Variants in ATRX observed in about 807,000 individuals in gnomAD.
The protein encoded by ATRX is chromatin remodeler ATRX.
ATRX carries 12 observed loss-of-function variants against 172.6 expected under a neutral mutation model. The observed-to-expected ratio is 0.07, with a 90% confidence interval of 0.04 to 0.11. The LOEUF (loss-of-function observed/expected upper bound fraction) is 0.11, where lower values mean the gene tolerates loss of function less well. Ranked by LOEUF, ATRX falls within the 10% of genes least tolerant of loss-of-function variation. The pLI is 1.00. For synonymous variants in ATRX, 674 were observed against 594.7 expected, an observed-to-expected ratio of 1.13 and a Z score of -1.94; for missense variants, 1,368 against 1,767.4, an observed-to-expected ratio of 0.77 and a Z score of 4.05.
At chrX:77,611,826 C>G (rs185094445) in intron 22 of ATRX, among the ~76,000 whole-genome samples, 2 of 110,882 alleles carry the variant, frequency 1.8e-5, no homozygotes, top group Non-Finnish European at 3.8e-5. Context: ...GCTAAATTAC[C>G]CTAATTTTAT....
intron 2 of ATRX, among the ~76,000 whole-genome samples, chrX:77,708,788 A>T (rs1194718123): frequency 8.9e-6 from 1 of 112,762 alleles, no homozygotes; most frequent in Non-Finnish European, 1.9e-5. Flanking sequence ...AAAATATTTT[A>T]AAATTGATGG....
intron 2 of ATRX, among the ~76,000 whole-genome samples, chrX:77,714,787 T>TA (rs1557163744): frequency 8.9e-6 from 1 of 112,102 alleles, no homozygotes; most frequent in African/African-American, 3.2e-5. Context: ...TTCAGATTTT[T>TA]AAAAAACCAA....
At chrX:77,699,158 G>C (rs1557152022) in intron 2 of ATRX, among the ~76,000 whole-genome samples, 1 of 109,891 alleles carries the variant, frequency 9.1e-6, no homozygotes, top group East Asian at 2.8e-4. Context: ...TTTAGAGATA[G>C]GGTCTCACTC....
chrX:77,513,767 G>A (rs1312521884), intron 34 of ATRX, among the ~76,000 whole-genome samples: 10 of 111,345 alleles, frequency 9.0e-5, no homozygotes, highest in Non-Finnish European at 1.9e-4. Flanking sequence ...GAGCAATCAG[G>A]AAACAGAAAT....
At chrX:77,564,361 G>C (rs1557063471) in intron 28 of ATRX, among the ~76,000 whole-genome samples, 1 of 110,816 alleles carries the variant, frequency 9.0e-6, no homozygotes, top group East Asian at 2.9e-4. Context: ...GTGGTACTGA[G>C]TTTCATGGGC....
chrX:77,656,680 TATTA>T (rs2069571778), intron 12 of ATRX, 27 bp from the exon 13 acceptor site: 1 of 1,092,646 alleles, frequency 9.2e-7, no homozygotes, highest in African/African-American at 1.9e-5. Context: ...TACATAAAAT[TATTA>T]ATTATTTTTC....
intron 1 of ATRX, among the ~76,000 whole-genome samples, chrX:77,764,152 C>G (rs2075824876): frequency 9.0e-6 from 1 of 111,578 alleles, no homozygotes; most frequent in African/African-American, 3.2e-5. Context: ...GTTTTAATAC[C>G]TAGCTCCGTA....
At chrX:77,530,183 C>A (rs1602396467) in intron 30 of ATRX, among the ~76,000 whole-genome samples, 1 of 111,842 alleles carries the variant, frequency 8.9e-6, no homozygotes, top group African/African-American at 3.2e-5. Flanking sequence ...CAACCTGCTC[C>A]TTAATGACTC....
chrX:77,743,193 T>C (rs1481178963), intron 1 of ATRX, among the ~76,000 whole-genome samples: 1 of 111,036 alleles, frequency 9.0e-6, no homozygotes, highest in African/African-American at 3.3e-5. Flanking sequence ...ATTTAGGGAC[T>C]AGGCAAGAAC....
In ATRX at chrX:77,688,329, A is replaced by G. The variant is rs45508894; in HGVS notation, c.594+489T>C. ...AAATTATAATCAACACATAAAAAAC[A>G]TTTTTAATTCTATCATCTCCAAGTT... is the stretch of plus-strand genomic sequence containing the variant. On this transcript the variant is annotated intron_variant, in intron 7 of 34. Coordinates refer to ENST00000373344, the MANE Select transcript of ATRX (RefSeq NM_000489.6). 7.1e-5 allele frequency among the ~76,000 whole-genome samples: 8 copies of G among 112,292 alleles called. No homozygotes were observed. The East Asian group carries it at 1.9e-3, about 27-fold the overall frequency.
chrX:77,732,356 G>A (rs797041924), intron 1 of ATRX, among the ~76,000 whole-genome samples: 7 of 111,830 alleles, frequency 6.3e-5, no homozygotes, highest in South Asian at 3.7e-4. Flanking sequence ...CAAAGGGGCC[G>A]AGAAAATTCC....
intron 1 of ATRX, among the ~76,000 whole-genome samples, chrX:77,721,738 C>T (rs916157420): frequency 1.8e-5 from 2 of 111,524 alleles, no homozygotes; most frequent in Non-Finnish European, 3.8e-5. Flanking sequence ...TGAAAATGGC[C>T]ATACTGCCCA....
At chrX:77,590,859 A>G (rs1314613064) in intron 26 of ATRX, among the ~76,000 whole-genome samples, 1 of 112,225 alleles carries the variant, frequency 8.9e-6, no homozygotes, top group Non-Finnish European at 1.9e-5. Flanking sequence ...AAAATTATTT[A>G]CACATGACAC....
At chrX:77,658,606 C>T (rs1308991770) in intron 12 of ATRX, among the ~76,000 whole-genome samples, 2 of 111,802 alleles carry the variant, frequency 1.8e-5, no homozygotes, top group Non-Finnish European at 3.8e-5. Context: ...ACTTGTGGAC[C>T]GTATGGTCTC....
intron 22 of ATRX, among the ~76,000 whole-genome samples, chrX:77,604,170 A>C (rs2066803311): frequency 8.9e-6 from 1 of 112,266 alleles, no homozygotes; most frequent in South Asian, 3.6e-4. Context: ...GGACTTAAAT[A>C]AAAAGCAGCA....
At chrX:77,733,396 C>A (rs1557177013) in intron 1 of ATRX, among the ~76,000 whole-genome samples, 2 of 111,205 alleles carry the variant, frequency 1.8e-5, no homozygotes, top group South Asian at 3.7e-4. Flanking sequence ...TATCAGACTT[C>A]AAATTATACC....
chrX:77,551,186 G>T (rs1303893101), intron 30 of ATRX, among the ~76,000 whole-genome samples: 1 of 111,773 alleles, frequency 8.9e-6, no homozygotes, highest in East Asian at 2.8e-4. Context: ...GAACAAAGCG[G>T]GAGGCATCAC....
intron 30 of ATRX, among the ~76,000 whole-genome samples, chrX:77,549,981 AAATG>A: frequency 8.9e-6 from 1 of 112,124 alleles, no homozygotes. Flanking sequence ...AAATGAAATG[AAATG>A]AAATAAAATA....
rs946198444 is a variant in ATRX at position 77,710,024 on chromosome X, C to T, written c.133+7107G>A. Among the ~76,000 whole-genome samples the T allele has an allele frequency of 2.1e-4, 23 of 110,734 alleles. No individual in the cohort carries two copies. The East Asian group carries it at 2.3e-3, about 11-fold the overall frequency. On this transcript the variant is annotated intron_variant, in intron 2 of 34. Coordinates refer to ENST00000373344, the MANE Select transcript of ATRX (RefSeq NM_000489.6). Reference sequence around the variant, plus strand: ...TAAACAAACTGTGGTACAGGCCAGGCGCGGTGGCTCACACCTGTAATCCCA... The same window carrying T: ...TAAACAAACTGTGGTACAGGCCAGGTGCGGTGGCTCACACCTGTAATCCCA...
Sources: gnomAD v4.1 joint callset for allele counts (sites outside exome capture counted in the v4.1 genomes callset) on GRCh38, gnomAD v4.1.1 for gene constraint, MANE v1.5 for transcripts, NCBI Gene and HGNC (gene_info 2026-07-23, HGNC 2026-07-21) for gene names.